Variants in PHIP observed in about 807,000 individuals in gnomAD.
PHIP encodes the protein PH-interacting protein.
Under a neutral mutation model 236.8 loss-of-function variants are expected in PHIP, and 54 were observed. The ratio of observed to expected loss-of-function variants is 0.23; its 90% confidence interval spans 0.18 to 0.29. The LOEUF is 0.29. PHIP is among the 10% of genes least tolerant of loss of function. The pLI is 1.00. For missense variants in PHIP, 1,370 were observed against 2,190.8 expected, an observed-to-expected ratio of 0.63 and a Z score of 7.48; for synonymous variants, 756 against 718.9, an observed-to-expected ratio of 1.05 and a Z score of -0.83.
chr6:79,055,266 G>T (rs905800866), intron 6 of PHIP, among the ~76,000 whole-genome samples: 2 of 152,100 alleles, frequency 1.3e-5, no homozygotes, highest in African/African-American at 4.8e-5. Context: ...TTAATTTAAT[G>T]TATTACAATC....
chr6:78,940,835 G>A lies in PHIP; in HGVS notation c.5324C>T (p.Thr1775Ile), dbSNP rs778781026. ...HMRTRNQGRRTAFYNEDDSEE... is the reference protein window; with the variant it reads ...HMRTRNQGRRIAFYNEDDSEE... ...AGAGTCATCCTCATTATAGAAAGCT[G>A]TCCTTCGACCTTGATTTCTAGTTCT... Residue 1775 changes from threonine (T) to isoleucine (I), a missense_variant, in exon 40 of 40, where the codon ACA becomes ATA. Thr to Ile is a moderately conservative substitution (Grantham distance 89, BLOSUM62 -1). This residue lies in a region of PHIP where 30 missense variants were observed against 68.2 expected (regional missense o/e 0.44). Transcript: ENST00000275034. 5 of 1,613,980 alleles carry A rather than the reference G, an allele frequency of 3.1e-6. No homozygotes were observed. The South Asian group carries it at 3.3e-5, about 11-fold the overall frequency.
chr6:79,035,253 T>C (rs1331678944), intron 7 of PHIP, among the ~76,000 whole-genome samples: 1 of 152,176 alleles, frequency 6.6e-6, no homozygotes, highest in Non-Finnish European at 1.5e-5. Context: ...AGATTTGAGC[T>C]TGACCCCTGA....
chr6:79,004,834 A>G (rs1020458495), intron 15 of PHIP, among the ~76,000 whole-genome samples: 7 of 152,256 alleles, frequency 4.6e-5, no homozygotes, highest in African/African-American at 1.7e-4. Flanking sequence ...AAAATGTGGC[A>G]TAAGGATGGA....
Position 78,970,989 on chromosome 6 carries a change from C to A in PHIP, c.2890-101G>T, listed in dbSNP as rs142999334. The A allele has an allele frequency of 4.1e-6, 3 of 723,898 alleles. No homozygotes were observed. The South Asian group carries it at 5.4e-5, about 13-fold the overall frequency. The allele number at this position is 723,898 out of a possible 1,614,324, so 44.8% of individuals were successfully genotyped here. A position where few individuals can be genotyped will look rare whatever the true frequency, so the allele number is the denominator to read the frequency against. On this transcript the variant is annotated intron_variant, in intron 24 of 39. Coordinates refer to ENST00000275034, the MANE Select transcript of PHIP (RefSeq NM_017934.7). ...GCAAAGAGAAAATCTAATGCCTTTTCAGCTAATAGAAATTCTAATATTTTC... is the reference window on the plus strand; with the variant it reads ...GCAAAGAGAAAATCTAATGCCTTTTAAGCTAATAGAAATTCTAATATTTTC...
At position 78,936,473 on chromosome 6, in the gene PHIP, A is replaced by G. The variant is rs1773275591; in HGVS notation, c.*4220T>C. ...CAACACACACAATCTTAAAGTAACC[A>G]GCATGTGTGCATCTGCCTTATATGC... On this transcript the variant is annotated 3_prime_UTR_variant, in exon 40 of 40. Coordinates refer to ENST00000275034, the MANE Select transcript of PHIP (RefSeq NM_017934.7). 1 of 151,884 alleles carries G rather than the reference A, an allele frequency of 6.6e-6. No individual in the cohort carries two copies. Among genetic ancestry groups the G allele is most frequent in the Non-Finnish European group, 1.5e-5 (1 of 67,782 alleles). 9.4% of individuals were successfully genotyped at this position (151,884 alleles called of 1,614,324 possible).
At chr6:78,997,727 T>C (rs1287601206) in intron 18 of PHIP, 130 bp from the exon 19 acceptor site, 5 of 724,576 alleles carry the variant, frequency 6.9e-6, no homozygotes, top group Admixed American at 3.2e-5. Flanking sequence ...TAAATTACCA[T>C]ATCAGGAACT....
chr6:79,055,564 TAAC>T (rs1400435357), intron 6 of PHIP, among the ~76,000 whole-genome samples: 3 of 152,192 alleles, frequency 2.0e-5, no homozygotes, highest in Admixed American at 2.0e-4. Flanking sequence ...AAGCTAGTAA[TAAC>T]AACAGATCAG....
intron 7 of PHIP, among the ~76,000 whole-genome samples, chr6:79,029,439 A>C (rs1661097332): frequency 6.6e-6 from 1 of 152,218 alleles, no homozygotes; most frequent in African/African-American, 2.4e-5. Context: ...AGTACTCAAA[A>C]ATAATTGACT....
At chr6:79,045,473 A>G (rs1046106631) in intron 6 of PHIP, among the ~76,000 whole-genome samples, 1 of 152,154 alleles carries the variant, frequency 6.6e-6, no homozygotes, top group Admixed American at 6.5e-5. Context: ...AAGTACCTTA[A>G]AGACAAAAAT....
chr6:78,988,199 G>C lies in PHIP; in HGVS notation c.2460+10C>G. 6.5e-7 allele frequency: 1 copy of C among 1,541,058 alleles called. No individual in the cohort carries two copies. Among genetic ancestry groups the C allele is most frequent in the South Asian group, 1.3e-5 (1 of 78,874 alleles). On this transcript the variant is annotated intron_variant, in intron 21 of 39. Transcript: ENST00000275034. Reference sequence around the variant, plus strand: ...ATGACATCTAATTTATGAATGTGCTGATATCTTACATCTGAAGAACTACTG... The same window carrying C: ...ATGACATCTAATTTATGAATGTGCTCATATCTTACATCTGAAGAACTACTG...
intron 23 of PHIP, among the ~76,000 whole-genome samples, chr6:78,979,878 G>C (rs753986257): frequency 3.3e-5 from 5 of 152,058 alleles, no homozygotes; most frequent in Non-Finnish European, 5.9e-5. Flanking sequence ...AACACTACTT[G>C]CAATAGGTAA....
intron 19 of PHIP, 32 bp downstream of exon 19, chr6:78,997,382 T>G: frequency 6.3e-7 from 1 of 1,592,864 alleles, no homozygotes; most frequent in South Asian, 1.1e-5. Context: ...CCCAAGGAAC[T>G]ATGGTACATA....
At chr6:79,048,136 A>G (rs890764853) in intron 6 of PHIP, among the ~76,000 whole-genome samples, 12 of 152,024 alleles carry the variant, frequency 7.9e-5, no homozygotes, top group African/African-American at 2.9e-4. Context: ...CCACGTAAAA[A>G]TGTTGTATCT....
Position 78,961,847 on chromosome 6 carries a change from T to C in PHIP, c.3536-37A>G, listed in dbSNP as rs771828321. 17 of 1,506,324 alleles carry C rather than the reference T, an allele frequency of 1.1e-5. No individual in the cohort carries two copies. In the African/African-American group the frequency reaches 2.2e-4, roughly 20 times the overall value. 93.3% of individuals were successfully genotyped at this position (1,506,324 alleles called of 1,614,324 possible). A position where few individuals can be genotyped will look rare whatever the true frequency, so the allele number is the denominator to read the frequency against. The stretch of plus-strand genomic sequence containing the variant: ...AGATAAGTTTGTAAATTTATTTTTG[T>C]ATGCCTAAAATAATTCAAGAAGAAT... On this transcript the variant is annotated intron_variant, in intron 30 of 39. Coordinates refer to ENST00000275034, the MANE Select transcript of PHIP (RefSeq NM_017934.7).
At chr6:78,992,884 G>A (rs1769356935) in intron 19 of PHIP, among the ~76,000 whole-genome samples, 1 of 152,218 alleles carries the variant, frequency 6.6e-6, no homozygotes, top group East Asian at 1.9e-4. Context: ...TAAATCAAAG[G>A]TAGCAACGAT....
intron 7 of PHIP, among the ~76,000 whole-genome samples, chr6:79,027,460 TA>T (rs1182305299): frequency 6.6e-6 from 1 of 152,142 alleles, no homozygotes; most frequent in Non-Finnish European, 1.5e-5. Context: ...ATACGGAGGT[TA>T]AAATGGATGG....
At position 79,076,552 on chromosome 6, in the gene PHIP, T is replaced by A. The variant is rs140334864; in HGVS notation, c.189+896A>T. Among the ~76,000 whole-genome samples the A allele has an allele frequency of 5.3e-4, 80 of 152,176 alleles. 1 individual carries two copies. The highest frequency in any genetic ancestry group is 1.9e-3 in the African/African-American group (78 of 41,430). ...TGATAAATCCACTTCTGAAAAGCAA[T>A]TTTTAAAGATTCCTAAAATACTCAT... is the stretch of plus-strand genomic sequence containing the variant. On this transcript the variant is annotated intron_variant, in intron 4 of 39. Coordinates refer to ENST00000275034, the MANE Select transcript of PHIP (RefSeq NM_017934.7).
chr6:78,960,937 A>G (rs1766733184), intron 31 of PHIP, among the ~76,000 whole-genome samples: 1 of 152,162 alleles, frequency 6.6e-6, no homozygotes, highest in African/African-American at 2.4e-5. Flanking sequence ...GTAATAAATA[A>G]CTGGTCACAA....
chr6:79,027,037 A>G (rs1771441105), intron 7 of PHIP, among the ~76,000 whole-genome samples: 2 of 152,242 alleles, frequency 1.3e-5, no homozygotes, highest in Admixed American at 6.5e-5. Flanking sequence ...CTAAGGGTTC[A>G]TGTTAGAATG....
Sources: gnomAD v4.1 joint callset for allele counts (sites outside exome capture counted in the v4.1 genomes callset) on GRCh38, gnomAD v4.1.1 for gene constraint, gnomAD v4.1.1 regional missense constraint, MANE v1.5 for transcripts, NCBI Gene and HGNC (gene_info 2026-07-23, HGNC 2026-07-21) for gene names.